The following ARHGAP6 variants were observed in gnomAD, a reference collection of about 807,000 sequenced individuals.
The protein encoded by ARHGAP6 is Rho GTPase activating protein 6, also known as rho GTPase-activating protein 6.
ARHGAP6 carries 16 observed loss-of-function variants against 55.7 expected under a neutral mutation model. That is an observed-to-expected ratio of 0.29 (90% CI 0.19 to 0.44). The LOEUF is 0.44. Among genes scored for constraint, ARHGAP6 ranks in the 20% least tolerant of loss-of-function variants. ARHGAP6 has a pLI of 1.00. For synonymous variants in ARHGAP6, 382 were observed against 360.9 expected (o/e 1.06, Z -0.66); for missense variants, 698 against 808.9 (o/e 0.86, Z 1.66).
At chrX:11,177,557 C>G (rs750077594) in intron 8 of ARHGAP6, among the ~76,000 whole-genome samples, 3 of 111,512 alleles carry the variant, frequency 2.7e-5, no homozygotes, top group African/African-American at 9.8e-5. Flanking sequence ...ACTGACCCTC[C>G]CTTGCATCGA....
chrX:11,323,982 C>T (rs2048468112), intron 1 of ARHGAP6, among the ~76,000 whole-genome samples: 1 of 110,725 alleles, frequency 9.0e-6, no homozygotes, highest in East Asian at 2.8e-4. Flanking sequence ...TGTTCATGCT[C>T]TAATCGAAGA....
chrX:11,442,945 G>A (rs1250139971), intron 1 of ARHGAP6, among the ~76,000 whole-genome samples: 2 of 112,032 alleles, frequency 1.8e-5, no homozygotes, highest in Non-Finnish European at 3.8e-5. Context: ...AAAGAGATGT[G>A]CATTCTTTTT....
chrX:11,361,728 TAGG>T (rs929625968), intron 1 of ARHGAP6, among the ~76,000 whole-genome samples: 8 of 110,955 alleles, frequency 7.2e-5, no homozygotes, highest in Non-Finnish European at 1.3e-4. Context: ...ACCTACAAAA[TAGG>T]AGAAAATTTT....
At chrX:11,396,658 G>C (rs1314197909) in intron 1 of ARHGAP6, among the ~76,000 whole-genome samples, 2 of 111,488 alleles carry the variant, frequency 1.8e-5, no homozygotes, top group African/African-American at 6.5e-5. Context: ...ATGCAAGCCT[G>C]TTTAAAAACA....
chrX:11,380,227 C>T (rs1216673337), intron 1 of ARHGAP6, among the ~76,000 whole-genome samples: 1 of 111,333 alleles, frequency 9.0e-6, no homozygotes, highest in Non-Finnish European at 1.9e-5. Flanking sequence ...CAAACCAAGC[C>T]TGTGTATATG....
chrX:11,375,842 TA>T (rs1394329223), intron 1 of ARHGAP6, among the ~76,000 whole-genome samples: 5 of 111,617 alleles, frequency 4.5e-5, no homozygotes, highest in Non-Finnish European at 7.5e-5. Context: ...CAATGTTGTG[TA>T]AAAATAGAGA....
At chrX:11,584,746 G>A (rs1274024879) in intron 1 of ARHGAP6, among the ~76,000 whole-genome samples, 5 of 112,365 alleles carry the variant, frequency 4.4e-5, no homozygotes, top group South Asian at 3.7e-4. Context: ...CTGTCAGAAC[G>A]TCTGGCAGTG....
At chrX:11,543,724 C>G (rs906114983) in intron 1 of ARHGAP6, among the ~76,000 whole-genome samples, 4 of 111,869 alleles carry the variant, frequency 3.6e-5, no homozygotes, top group African/African-American at 9.8e-5. Flanking sequence ...GAGTTTGGAC[C>G]CGAGACTGTC....
chrX:11,215,179 G>C (rs2046862037), intron 2 of ARHGAP6, among the ~76,000 whole-genome samples: 2 of 112,784 alleles, frequency 1.8e-5, no homozygotes, highest in African/African-American at 6.4e-5. Context: ...GGTCACCGGA[G>C]GTCCCCTGGG....
intron 1 of ARHGAP6, among the ~76,000 whole-genome samples, chrX:11,468,494 G>A (rs1053081497): frequency 9.0e-6 from 1 of 111,384 alleles, no homozygotes; most frequent in Admixed American, 9.6e-5. Flanking sequence ...TAGCCATCAC[G>A]TCCTTCTTTT....
intron 3 of ARHGAP6, among the ~76,000 whole-genome samples, chrX:11,192,817 A>C (rs770920447): frequency 8.9e-6 from 1 of 112,094 alleles, no homozygotes; most frequent in Non-Finnish European, 1.9e-5. Flanking sequence ...GTTACATCAT[A>C]GTAAAACCTA....
chrX:11,546,145 CATATATAT>C (rs770511041), intron 1 of ARHGAP6, among the ~76,000 whole-genome samples: 1 of 107,528 alleles, frequency 9.3e-6, no homozygotes, highest in Admixed American at 1.0e-4. Flanking sequence ...TAAAGTAAAA[CATATATAT>C]ATATATATTT....
chrX:11,300,733 T>TA (rs2048163373), intron 1 of ARHGAP6: 2 of 663,759 alleles, frequency 3.0e-6, no homozygotes, highest in Non-Finnish European at 4.8e-6. Flanking sequence ...AAAGTACCAT[T>TA]AGCAGACAAT....
chrX:11,549,101 T>C (rs763324457), intron 1 of ARHGAP6, among the ~76,000 whole-genome samples: 2 of 112,323 alleles, frequency 1.8e-5, no homozygotes, highest in African/African-American at 6.5e-5. Flanking sequence ...CCTAAACTAA[T>C]ATATCTTCTT....
chrX:11,594,548 A>G (rs895657159), intron 1 of ARHGAP6, among the ~76,000 whole-genome samples: 5 of 110,995 alleles, frequency 4.5e-5, no homozygotes, highest in Non-Finnish European at 7.6e-5. Flanking sequence ...GTGAGTGAAC[A>G]TTACCACCTG....
chrX:11,254,762 C>T, intron 1 of ARHGAP6, 55 bp from the exon 2 acceptor site: 1 of 1,054,918 alleles, frequency 9.5e-7, no homozygotes, highest in Non-Finnish European at 1.2e-6. Flanking sequence ...AGTTCACTTA[C>T]CTCTCACAAA....
At chrX:11,544,532 T>C (rs186788457) in intron 1 of ARHGAP6, among the ~76,000 whole-genome samples, 78 of 112,476 alleles carry the variant, frequency 6.9e-4, no homozygotes, top group African/African-American at 2.4e-3. Context: ...AGTTTTGAGG[T>C]TGAAAAATCT....
At chrX:11,566,284 A>G (rs1204967836) in intron 1 of ARHGAP6, among the ~76,000 whole-genome samples, 1 of 112,190 alleles carries the variant, frequency 8.9e-6, no homozygotes, top group Non-Finnish European at 1.9e-5. Context: ...TTTGTAAAAT[A>G]ATGCTAGCAT....
chrX:11,419,519 T>C (rs1463007360), intron 1 of ARHGAP6, among the ~76,000 whole-genome samples: 2 of 112,425 alleles, frequency 1.8e-5, no homozygotes, highest in South Asian at 3.7e-4. Context: ...TGTGTTATGT[T>C]ACCATTTTCA....
Sources: gnomAD v4.1 joint callset for allele counts (sites outside exome capture counted in the v4.1 genomes callset) on GRCh38, gnomAD v4.1.1 for gene constraint, MANE v1.5 for transcripts, NCBI Gene and HGNC (gene_info 2026-07-23, HGNC 2026-07-21) for gene names.